The following TCEANC2 variants were observed in gnomAD, a reference collection of about 807,000 sequenced individuals.
TCEANC2 encodes transcription elongation factor A N-terminal and central domain containing 2.
Under a neutral mutation model 22.8 loss-of-function variants are expected in TCEANC2, and 20 were observed. The observed-to-expected ratio is 0.88, with a 90% CI of 0.62 to 1.28. The LOEUF is 1.28. Among genes scored for constraint, TCEANC2 ranks in the 50% most tolerant of loss-of-function variants. The pLI is 0.00. For missense variants in TCEANC2, 251 were observed against 249.7 expected, an observed-to-expected ratio of 1.01 and a Z score of -0.03; for synonymous variants, 84 against 95.5, an observed-to-expected ratio of 0.88 and a Z score of 0.70.
chr1:54,103,808 C>T lies in TCEANC2; in HGVS notation c.*7335C>T, dbSNP rs1349336501. On this transcript the variant is annotated 3_prime_UTR_variant, in exon 5 of 5. Coordinates refer to ENST00000234827, the MANE Select transcript of TCEANC2 (RefSeq NM_153035.3). Reference sequence around the variant, plus strand: ...TTTTCACTGGCATAGATGTATATTCCAGATACGAGTTCATCTTCACTGCTT... The same window carrying T: ...TTTTCACTGGCATAGATGTATATTCTAGATACGAGTTCATCTTCACTGCTT... 6.6e-6 allele frequency: 1 copy of T among 152,194 alleles called. No homozygotes were observed. The highest frequency in any genetic ancestry group is 1.9e-4 in the East Asian group (1 of 5,190). 9.4% of individuals were successfully genotyped at this position (152,194 alleles called of 1,614,324 possible).
intron 3 of TCEANC2, among the ~76,000 whole-genome samples, chr1:54,069,491 T>G (rs1570001038): frequency 6.6e-6 from 1 of 151,854 alleles, no homozygotes; most frequent in African/African-American, 2.4e-5. Flanking sequence ...GCCTGTAATC[T>G]TAGCTACTAA....
chr1:54,087,690 G>C (rs1037240122), intron 3 of TCEANC2, among the ~76,000 whole-genome samples: 2 of 152,144 alleles, frequency 1.3e-5, no homozygotes, highest in Non-Finnish European at 2.9e-5. Flanking sequence ...GCATTTGGTA[G>C]TTTGTACTCA....
At chr1:54,088,496 G>A in intron 3 of TCEANC2, 101 bp from the exon 4 acceptor site, 1 of 892,046 alleles carries the variant, frequency 1.1e-6, no homozygotes, top group Non-Finnish European at 1.7e-6. Context: ...CCTTGGGTGT[G>A]TGAATGACTT....
intron 3 of TCEANC2, among the ~76,000 whole-genome samples, chr1:54,081,256 G>C (rs1460570626): frequency 2.0e-5 from 3 of 152,044 alleles, no homozygotes; most frequent in Non-Finnish European, 4.4e-5. Flanking sequence ...TAGGGACAGG[G>C]TCTTACTCTA....
rs1296981942 is a variant in TCEANC2 at position 54,101,973 on chromosome 1, G to C, written c.*5500G>C. The C allele has an allele frequency of 6.6e-6, 1 of 152,252 alleles. No individual in the cohort carries two copies. The highest frequency in any genetic ancestry group is 1.5e-5 in the Non-Finnish European group (1 of 68,060). The allele number at this position is 152,252 out of a possible 1,614,324, so 9.4% of individuals were successfully genotyped here. A position where few individuals can be genotyped will look rare whatever the true frequency, so the allele number is the denominator to read the frequency against. On this transcript the variant is annotated 3_prime_UTR_variant, in exon 5 of 5. Transcript: ENST00000234827. The stretch of plus-strand genomic sequence containing the variant: ...AAAACACAAATGGGCAGGGTGCAGT[G>C]AGATTTTTAGGGGCCAATGGTCTGG...
chr1:54,072,617 G>A (rs1443183595), intron 3 of TCEANC2, among the ~76,000 whole-genome samples: 2 of 151,964 alleles, frequency 1.3e-5, no homozygotes, highest in Admixed American at 6.6e-5. Flanking sequence ...GGATGGTCTC[G>A]ATCTCTTGAC....
At chr1:54,083,858 A>G (rs1472097985) in intron 3 of TCEANC2, among the ~76,000 whole-genome samples, 1 of 152,184 alleles carries the variant, frequency 6.6e-6, no homozygotes, top group Non-Finnish European at 1.5e-5. Context: ...CTTTGCATAT[A>G]AACAAAAATG....
intron 3 of TCEANC2, among the ~76,000 whole-genome samples, chr1:54,073,490 A>T (rs1658094720): frequency 6.6e-6 from 1 of 152,154 alleles, no homozygotes; most frequent in African/African-American, 2.4e-5. Context: ...ATCAGCCCTT[A>T]GGATAACCCC....
chr1:54,059,709 A>G (rs1657816580), intron 2 of TCEANC2, among the ~76,000 whole-genome samples: 1 of 152,136 alleles, frequency 6.6e-6, no homozygotes, highest in Non-Finnish European at 1.5e-5. Flanking sequence ...GAGACCCGGG[A>G]CTGTAATATC....
intron 3 of TCEANC2, among the ~76,000 whole-genome samples, chr1:54,083,472 T>C (rs1658283796): frequency 6.6e-6 from 1 of 152,126 alleles, no homozygotes. Flanking sequence ...AGAGAATATT[T>C]CAGTAAGAAA....
rs1362077861 is a variant in TCEANC2, at chr1:54,102,187, G to C, written c.*5714G>C. ...TGTGTTTTGATTGGGGCCCAGAGCA[G>C]GAAAGGGCTCAGCAGAAGCTCCAGG... On this transcript the variant is annotated 3_prime_UTR_variant, in exon 5 of 5. Coordinates refer to ENST00000234827, the MANE Select transcript of TCEANC2 (RefSeq NM_153035.3). 6.6e-6 allele frequency: 1 copy of C among 152,258 alleles called. No homozygotes were observed. Among genetic ancestry groups the C allele is most frequent in the Non-Finnish European group, 1.5e-5 (1 of 68,072 alleles). The allele number at this position is 152,258 out of a possible 1,614,324, so 9.4% of individuals were successfully genotyped here.
chr1:54,074,457 C>T (rs927389573), intron 3 of TCEANC2, among the ~76,000 whole-genome samples: 2 of 150,668 alleles, frequency 1.3e-5, no homozygotes, highest in East Asian at 1.9e-4. Flanking sequence ...ACCGAGACTC[C>T]GTCTCAAAAA....
At chr1:54,064,409 A>G (rs1657910300) in intron 2 of TCEANC2, among the ~76,000 whole-genome samples, 1 of 152,156 alleles carries the variant, frequency 6.6e-6, no homozygotes, top group South Asian at 2.1e-4. Context: ...AGCAGCCTCA[A>G]GAGTGCAGGT....
At chr1:54,058,648 G>C (rs1657796551) in intron 2 of TCEANC2, among the ~76,000 whole-genome samples, 1 of 152,094 alleles carries the variant, frequency 6.6e-6, no homozygotes, top group Admixed American at 6.5e-5. Context: ...ATTTCTTGCT[G>C]TTCTTTGTTT....
intron 3 of TCEANC2, among the ~76,000 whole-genome samples, chr1:54,086,954 CAG>C (rs1658350005): frequency 6.6e-6 from 1 of 152,190 alleles, no homozygotes; most frequent in Non-Finnish European, 1.5e-5. Flanking sequence ...CACAAACAGA[CAG>C]CACAAGTGCT....
Position 54,097,112 on chromosome 1 carries a change from G to T in TCEANC2, c.*639G>T. ...GGCCCGAAGCCTCCCACACCTCAGG[G>T]TTTATTTGAATACGCTGGCGCTCTC... On this transcript the variant is annotated 3_prime_UTR_variant, in exon 5 of 5. Transcript: ENST00000234827. 1 of 395,560 alleles carries T rather than the reference G, an allele frequency of 2.5e-6. No individual in the cohort carries two copies. The highest frequency in any genetic ancestry group is 3.4e-6 in the Non-Finnish European group (1 of 290,438). The allele number at this position is 395,560 out of a possible 1,614,324, so 24.5% of individuals were successfully genotyped here. A position where few individuals can be genotyped will look rare whatever the true frequency, so the allele number is the denominator to read the frequency against.
intron 2 of TCEANC2, among the ~76,000 whole-genome samples, chr1:54,067,791 A>G (rs962598331): frequency 6.6e-6 from 1 of 152,176 alleles, no homozygotes; most frequent in Non-Finnish European, 1.5e-5. Context: ...CACAAATTGT[A>G]AGTATATATG....
chr1:54,054,090 C>T (rs1364337030), intron 1 of TCEANC2: 1 of 430,518 alleles, frequency 2.3e-6, no homozygotes, highest in Non-Finnish European at 3.9e-6. Flanking sequence ...GGTGCACGCT[C>T]TAGCGGGGAT....
At chr1:54,075,906 C>G (rs938361486) in intron 3 of TCEANC2, among the ~76,000 whole-genome samples, 1 of 151,362 alleles carries the variant, frequency 6.6e-6, no homozygotes, top group Non-Finnish European at 1.5e-5. Context: ...CCTAGCTACT[C>G]GGGAGGCTGA....
Sources: gnomAD v4.1 joint callset for allele counts (sites outside exome capture counted in the v4.1 genomes callset) on GRCh38, gnomAD v4.1.1 for gene constraint, MANE v1.5 for transcripts, NCBI Gene and HGNC (gene_info 2026-07-23, HGNC 2026-07-21) for gene names.